PGM2: variants seen among roughly 807,000 people sequenced by gnomAD.
PGM2 encodes the protein phosphoglucomutase 2.
Under a neutral mutation model 74.6 loss-of-function variants are expected in PGM2, and 57 were observed. That is an observed-to-expected ratio of 0.76 (90% CI 0.62 to 0.95). The LOEUF (loss-of-function observed/expected upper bound fraction) is 0.95. Among genes scored for constraint, PGM2 ranks in the 40% least tolerant of loss-of-function variants. The pLI is 0.00. For synonymous variants in PGM2, 273 were observed against 260.7 expected, an observed-to-expected ratio of 1.05 and a Z score of -0.46; for missense variants, 706 against 741.9, an observed-to-expected ratio of 0.95 and a Z score of 0.56.
chr4:37,837,712 G>T (rs1725604793), intron 4 of PGM2, 99 bp downstream of exon 4: 2 of 790,002 alleles, frequency 2.5e-6, no homozygotes, highest in East Asian at 4.9e-5. Context: ...TGGACTGTTT[G>T]AATGACAGAG....
In PGM2 at chr4:37,837,520, C is replaced by T; in HGVS notation, c.357-9C>T. ...TCTCCTTTTCTTCCCTGTCACTCTG[C>T]ATTCTCAGGTTTGCCCGACTTGCTG... On this transcript the variant is annotated splice_polypyrimidine_tract_variant and intron_variant, in intron 3 of 13. Transcript: ENST00000381967. The T allele has an allele frequency of 6.4e-7, 1 of 1,574,208 alleles. No individual in the cohort carries two copies. Among genetic ancestry groups the T allele is most frequent in the Non-Finnish European group, 8.7e-7 (1 of 1,143,538 alleles).
intron 6 of PGM2, among the ~76,000 whole-genome samples, chr4:37,843,913 C>G (rs1346596486): frequency 6.6e-6 from 1 of 152,114 alleles, no homozygotes; most frequent in African/African-American, 2.4e-5. Context: ...TGGGATAACC[C>G]AACACATTTT....
At chr4:37,850,876 A>G (rs1726021428) in intron 12 of PGM2, among the ~76,000 whole-genome samples, 1 of 151,528 alleles carries the variant, frequency 6.6e-6, no homozygotes, top group South Asian at 2.1e-4. Context: ...CTATAATCCC[A>G]GCTACTCAGG....
intron 7 of PGM2, among the ~76,000 whole-genome samples, chr4:37,844,993 A>C (rs983306040): frequency 6.6e-6 from 1 of 151,962 alleles, no homozygotes; most frequent in Non-Finnish European, 1.5e-5. Context: ...AAAAAAAAAA[A>C]AACAAGAAGT....
chr4:37,854,104 C>G (rs775180204), intron 12 of PGM2, among the ~76,000 whole-genome samples: 3 of 152,164 alleles, frequency 2.0e-5, no homozygotes, highest in Non-Finnish European at 4.4e-5. Flanking sequence ...TCTCTGGGTC[C>G]CACCAGACCA....
chr4:37,847,675 G>A (rs3775791), intron 10 of PGM2, among the ~76,000 whole-genome samples: 107,788 of 152,052 alleles, frequency 0.71, 38,954 homozygotes, highest in Non-Finnish European at 0.78. Context: ...TCTATGCTAC[G>A]GTCTAGCCAG....
intron 11 of PGM2, among the ~76,000 whole-genome samples, chr4:37,849,516 A>G (rs1019152984): frequency 1.1e-4 from 16 of 146,270 alleles, no homozygotes; most frequent in African/African-American, 3.3e-4. Flanking sequence ...GGTTCAAGCA[A>G]TTCTCCTACC....
Position 37,844,411 on chromosome 4 carries a change from A to G in PGM2, c.767A>G (p.His256Arg), listed in dbSNP as rs1725809487. 3.1e-6 allele frequency: 5 copies of G among 1,613,658 alleles called. No individual in the cohort carries two copies. Among genetic ancestry groups the G allele is most frequent in the African/African-American group, 1.3e-5 (1 of 74,900 alleles). The change falls in exon 7 of 14, where the codon CAT becomes CGT. Residue 256 changes from histidine to arginine, a missense_variant. This residue lies in a region of PGM2 where 332 missense variants were observed against 334.9 expected (regional missense o/e 0.99). Transcript: ENST00000381967. ...GTGAAGTTTGTGCACACCTCTGTCC[A>G]TGGGGTGGGTCATAGCTTTGTGCAG... ...TKVKFVHTSV[H>R]GVGHSFVQSA...
chr4:37,860,477 A>C (rs1711736113), intron 13 of PGM2, among the ~76,000 whole-genome samples: 1 of 152,238 alleles, frequency 6.6e-6, no homozygotes, highest in African/African-American at 2.4e-5. Flanking sequence ...TCTGGGCCTT[A>C]GAGAGGCCAA....
At chr4:37,841,019 G>T (rs1725701924) in intron 6 of PGM2, among the ~76,000 whole-genome samples, 1 of 135,750 alleles carries the variant, frequency 7.4e-6, no homozygotes, top group African/African-American at 2.8e-5. Flanking sequence ...GTCTTGAATA[G>T]CAAACACTGG....
intron 7 of PGM2, 145 bp downstream of exon 7, chr4:37,844,698 C>G (rs954514139): frequency 3.3e-6 from 2 of 602,896 alleles, no homozygotes; most frequent in Non-Finnish European, 5.8e-6. Context: ...CTGGGTGCAG[C>G]GTCTCATGTC....
intron 13 of PGM2, 54 bp downstream of exon 13, chr4:37,855,795 G>A: frequency 6.9e-7 from 1 of 1,454,916 alleles, no homozygotes; most frequent in Non-Finnish European, 9.2e-7. Flanking sequence ...TTCCTAACTG[G>A]TTCTATTCAA....
chr4:37,841,976 C>G (rs972614467), intron 6 of PGM2, among the ~76,000 whole-genome samples: 1 of 152,112 alleles, frequency 6.6e-6, no homozygotes, highest in East Asian at 1.9e-4. Flanking sequence ...GTGCTCCCAC[C>G]AACAGTAGAT....
At chr4:37,841,378 C>T (rs1012464163) in intron 6 of PGM2, among the ~76,000 whole-genome samples, 3 of 151,912 alleles carry the variant, frequency 2.0e-5, no homozygotes, top group Non-Finnish European at 4.4e-5. Flanking sequence ...CTTGAGTATG[C>T]TGTAGGTCCC....
intron 2 of PGM2, among the ~76,000 whole-genome samples, 167 bp from the exon 3 acceptor site, chr4:37,834,451 T>G (rs1165021309): frequency 6.6e-6 from 1 of 152,164 alleles, no homozygotes; most frequent in African/African-American, 2.4e-5. Flanking sequence ...TAAACAAAGC[T>G]GTTATTTTAT....
intron 13 of PGM2, among the ~76,000 whole-genome samples, chr4:37,859,226 A>G (rs764543903): frequency 6.6e-6 from 1 of 152,214 alleles, no homozygotes; most frequent in Non-Finnish European, 1.5e-5. Flanking sequence ...AGACTTCATG[A>G]TGCTTCACTC....
chr4:37,842,905 C>T (rs1349237233), intron 6 of PGM2, among the ~76,000 whole-genome samples: 1 of 152,108 alleles, frequency 6.6e-6, no homozygotes, highest in African/African-American at 2.4e-5. Flanking sequence ...TCAAGCAATC[C>T]ACCCGCCTCG....
At chr4:37,839,602 A>G (rs1025543385) in intron 4 of PGM2, 3 of 620,894 alleles carry the variant, frequency 4.8e-6, no homozygotes, top group Non-Finnish European at 9.0e-6. Context: ...AGAAGATGGA[A>G]TGAGAAGGCA....
At chr4:37,842,177 TATATATAC>T (rs1264049494) in intron 6 of PGM2, among the ~76,000 whole-genome samples, 1 of 147,812 alleles carries the variant, frequency 6.8e-6, no homozygotes, top group African/African-American at 2.5e-5. Flanking sequence ...ATATACATAT[TATATATAC>T]ATATATGCAT....
Sources: allele counts gnomAD v4.1 joint callset (sites outside exome capture counted in the v4.1 genomes callset), GRCh38; gene constraint gnomAD v4.1.1; regional missense constraint gnomAD v4.1.1; transcripts MANE v1.5; gene names NCBI Gene and HGNC (gene_info 2026-07-23, HGNC 2026-07-21).